The following ABI1 variants were observed in gnomAD, a reference collection of about 807,000 sequenced individuals.
The protein encoded by ABI1 is Abelson interactor 1.
In ABI1, 14 loss-of-function variants were observed where a neutral mutation model predicts 54.6. The observed-to-expected ratio is 0.26, with a 90% CI of 0.17 to 0.40. The LOEUF is 0.40. Ranked by LOEUF, ABI1 falls within the 10% of genes least tolerant of loss-of-function variation. ABI1 has a pLI of 1.00. For synonymous variants in ABI1, 194 were observed against 209.3 expected (o/e 0.93, Z 0.63); for missense variants, 443 against 598.3 (o/e 0.74, Z 2.71).
At chr10:26,817,013 T>TGTGC (rs2047614481) in intron 2 of ABI1, among the ~76,000 whole-genome samples, 1 of 149,256 alleles carries the variant, frequency 6.7e-6, no homozygotes, top group South Asian at 2.2e-4. Context: ...TGTGTGTGTG[T>TGTGC]GTGTGTGACG....
intron 2 of ABI1, among the ~76,000 whole-genome samples, chr10:26,819,050 A>C (rs2047789733): frequency 6.6e-6 from 1 of 152,230 alleles, no homozygotes; most frequent in South Asian, 2.1e-4. Flanking sequence ...AGAGAAGTGG[A>C]ATCAACTATT....
intron 1 of ABI1, among the ~76,000 whole-genome samples, chr10:26,837,884 A>G (rs12358643): frequency 0.25 from 36,689 of 148,616 alleles, 5,207 homozygotes; most frequent in South Asian, 0.43. Flanking sequence ...CAAAGTGCTG[A>G]GATTAGAGGC....
Position 26,748,761 on chromosome 10 carries a change from T to C in ABI1, c.1271-16A>G. 1 of 1,595,312 alleles carries C rather than the reference T, an allele frequency of 6.3e-7. No homozygotes were observed. On this transcript the variant is annotated splice_polypyrimidine_tract_variant and intron_variant, in intron 10 of 10. Coordinates refer to ENST00000376140, the MANE Select transcript of ABI1 (RefSeq NM_001012750.3). ...ATTGCAACAACTATGGAAAAAACAG[T>C]TGAAATATCACATGAGTGCACTATA...
Position 26,782,387 on chromosome 10 carries a change from C to G in ABI1, c.286-5146G>C, listed in dbSNP as rs1174320243. The stretch of plus-strand genomic sequence containing the variant: ...CAACAACAAAAAAAAAAACCCGACT[C>G]AAAAATGGGCAAAAGACTTGACTAG... On this transcript the variant is annotated intron_variant, in intron 2 of 10. Transcript: ENST00000376140. Among the ~76,000 whole-genome samples, 5 of 151,892 alleles carry G rather than the reference C, an allele frequency of 3.3e-5. No homozygotes were observed. In the East Asian group the frequency reaches 9.6e-4, roughly 29 times the overall value.
chr10:26,857,662 AC>A (rs1385436464), intron 1 of ABI1, among the ~76,000 whole-genome samples: 3 of 143,178 alleles, frequency 2.1e-5, no homozygotes, highest in African/African-American at 8.0e-5. Context: ...AAAAAAAAAA[AC>A]TTTCTATTTT....
intron 2 of ABI1, among the ~76,000 whole-genome samples, chr10:26,807,169 A>G (rs1346432084): frequency 6.6e-6 from 1 of 152,214 alleles, no homozygotes; most frequent in Non-Finnish European, 1.5e-5. Context: ...AAAAGAAAAA[A>G]CAAACAAAAA....
intron 1 of ABI1, among the ~76,000 whole-genome samples, chr10:26,824,376 A>T (rs1035267734): frequency 6.6e-6 from 1 of 152,236 alleles, no homozygotes; most frequent in Non-Finnish European, 1.5e-5. Flanking sequence ...TTAGGAATGT[A>T]TCTCAAAAAA....
At chr10:26,767,092 T>C (rs1438991439) in intron 6 of ABI1, among the ~76,000 whole-genome samples, 3 of 152,222 alleles carry the variant, frequency 2.0e-5, no homozygotes, top group Admixed American at 6.5e-5. Flanking sequence ...TATGCCCTAT[T>C]GACAAATGCC....
intron 1 of ABI1, among the ~76,000 whole-genome samples, chr10:26,824,444 A>G (rs2048178510): frequency 6.6e-6 from 1 of 152,204 alleles, no homozygotes; most frequent in Admixed American, 6.5e-5. Context: ...CACTATCTAT[A>G]ATAGCAGAAG....
intron 7 of ABI1, among the ~76,000 whole-genome samples, chr10:26,763,176 T>C (rs1378443048): frequency 2.0e-5 from 3 of 152,216 alleles, no homozygotes; most frequent in African/African-American, 7.2e-5. Context: ...TTGGAAAAGA[T>C]GTTGTTAGAC....
intron 2 of ABI1, among the ~76,000 whole-genome samples, chr10:26,798,442 G>A (rs1421422547): frequency 2.0e-5 from 3 of 151,962 alleles, no homozygotes; most frequent in Non-Finnish European, 4.4e-5. Context: ...GGATGAAGGG[G>A]TCATGCGCCA....
intron 2 of ABI1, among the ~76,000 whole-genome samples, chr10:26,778,587 A>G (rs796966580): frequency 4.7e-4 from 71 of 152,290 alleles, no homozygotes; most frequent in African/African-American, 1.7e-3. Context: ...TTATTTCATC[A>G]GAACTTTTTA....
chr10:26,750,466 C>G (rs1346555032), intron 10 of ABI1, among the ~76,000 whole-genome samples: 3 of 152,110 alleles, frequency 2.0e-5, no homozygotes, highest in African/African-American at 4.8e-5. Flanking sequence ...TGCACTCCAG[C>G]CTGGGAGACA....
At chr10:26,796,837 G>A (rs997287658) in intron 2 of ABI1, among the ~76,000 whole-genome samples, 1 of 152,126 alleles carries the variant, frequency 6.6e-6, no homozygotes, top group East Asian at 1.9e-4. Context: ...AATGGTTTTG[G>A]GATTAAACTG....
At chr10:26,764,866 T>A (rs1839718267) in intron 7 of ABI1, among the ~76,000 whole-genome samples, 1 of 152,200 alleles carries the variant, frequency 6.6e-6, no homozygotes, top group African/African-American at 2.4e-5. Context: ...TACACCAGTT[T>A]ATAGAAAGGA....
chr10:26,758,280 T>C (rs1426586415), intron 8 of ABI1, among the ~76,000 whole-genome samples: 2 of 152,146 alleles, frequency 1.3e-5, no homozygotes, highest in African/African-American at 4.8e-5. Flanking sequence ...TCTCATTCTA[T>C]GCCCAGTGGG....
chr10:26,796,078 G>C (rs1844119664), intron 2 of ABI1, among the ~76,000 whole-genome samples: 2 of 152,060 alleles, frequency 1.3e-5, no homozygotes, highest in African/African-American at 4.8e-5. Flanking sequence ...GACGGAGTGA[G>C]ACCCAGTCTC....
intron 2 of ABI1, among the ~76,000 whole-genome samples, chr10:26,808,249 C>A (rs2046999299): frequency 1.3e-5 from 2 of 152,168 alleles, no homozygotes; most frequent in Non-Finnish European, 2.9e-5. Flanking sequence ...TAAGAAGACT[C>A]ATTTGATAGG....
intron 2 of ABI1, among the ~76,000 whole-genome samples, chr10:26,818,584 A>G (rs1240674450): frequency 6.9e-6 from 1 of 144,674 alleles, no homozygotes; most frequent in Non-Finnish European, 1.5e-5. Context: ...GTGAGGCAAG[A>G]TCACGCCACT....
Sources: allele counts gnomAD v4.1 joint callset (sites outside exome capture counted in the v4.1 genomes callset), GRCh38; gene constraint gnomAD v4.1.1; transcripts MANE v1.5; gene names NCBI Gene and HGNC (gene_info 2026-07-23, HGNC 2026-07-21).